The following SMIM14 variants were observed in gnomAD, a reference collection of about 807,000 sequenced individuals.
SMIM14 encodes the protein small integral membrane protein 14.
In SMIM14, 5 loss-of-function variants were observed where a neutral mutation model predicts 12.6. The observed-to-expected ratio is 0.40, with a 90% CI of 0.21 to 0.83. The LOEUF (loss-of-function observed/expected upper bound fraction) is 0.83. SMIM14 is among the 40% of genes least tolerant of loss of function. The pLI is 0.37. For synonymous variants in SMIM14, 30 were observed against 40.1 expected (o/e 0.75, Z 0.95); for missense variants, 86 against 119.1 (o/e 0.72, Z 1.29).
chr4:39,578,463 A>G (rs1191632633), intron 2 of SMIM14, among the ~76,000 whole-genome samples: 1 of 152,256 alleles, frequency 6.6e-6, no homozygotes, highest in Non-Finnish European at 1.5e-5. Flanking sequence ...AAAAACAACA[A>G]TTAGAGAAAA....
At chr4:39,567,651 C>T (rs901234887) in intron 3 of SMIM14, among the ~76,000 whole-genome samples, 2 of 151,796 alleles carry the variant, frequency 1.3e-5, no homozygotes, top group Non-Finnish European at 2.9e-5. Flanking sequence ...GCAGGAGAAT[C>T]GCTTGAACCT....
chr4:39,633,955 C>T (rs537056432), intron 1 of SMIM14, among the ~76,000 whole-genome samples: 2 of 152,288 alleles, frequency 1.3e-5, no homozygotes, highest in Middle Eastern at 3.4e-3. Context: ...TGTTTTGAGA[C>T]GGAGTCTCGC....
intron 1 of SMIM14, among the ~76,000 whole-genome samples, chr4:39,634,173 G>T (rs545006815): frequency 6.6e-6 from 1 of 152,058 alleles, no homozygotes; most frequent in Non-Finnish European, 1.5e-5. Flanking sequence ...GTGATCCACC[G>T]GCCTCGGCTT....
chr4:39,619,860 T>TTTTA (rs1553866651), intron 1 of SMIM14, among the ~76,000 whole-genome samples: 3,164 of 111,012 alleles, frequency 0.029, 225 homozygotes, highest in African/African-American at 0.11. Flanking sequence ...TTATATATAT[T>TTTTA]TATATATATA....
At chr4:39,590,801 C>CAA (rs199795378) in intron 2 of SMIM14, among the ~76,000 whole-genome samples, 53 of 111,988 alleles carry the variant, frequency 4.7e-4, no homozygotes, top group East Asian at 1.5e-3. Context: ...CACTCTGTCT[C>CAA]AAAAAAAAAA....
chr4:39,610,149 T>C (rs1406044837), intron 1 of SMIM14, among the ~76,000 whole-genome samples: 1 of 152,040 alleles, frequency 6.6e-6, no homozygotes, highest in Non-Finnish European at 1.5e-5. Context: ...CACCCCATCT[T>C]GCTAGTTTTA....
intron 2 of SMIM14, among the ~76,000 whole-genome samples, chr4:39,591,126 C>T (rs1714056775): frequency 6.6e-6 from 1 of 151,928 alleles, no homozygotes; most frequent in South Asian, 2.1e-4. Context: ...CAAATTGTCT[C>T]TAGGTTACTT....
chr4:39,612,600 T>C (rs1175799593), intron 1 of SMIM14, among the ~76,000 whole-genome samples: 1 of 152,200 alleles, frequency 6.6e-6, no homozygotes, highest in Admixed American at 6.5e-5. Flanking sequence ...ACTAAGATTT[T>C]CTTATTTTTT....
intron 2 of SMIM14, among the ~76,000 whole-genome samples, chr4:39,572,832 A>G (rs775240700): frequency 2.6e-4 from 39 of 151,774 alleles, no homozygotes; most frequent in Non-Finnish European, 5.0e-4. Context: ...AAAAAAAAAA[A>G]TCATGTTTTC....
chr4:39,597,861 G>C (rs773320668), intron 2 of SMIM14, among the ~76,000 whole-genome samples: 79 of 152,246 alleles, frequency 5.2e-4, no homozygotes, highest in Non-Finnish European at 9.4e-4. Flanking sequence ...CTAGCTCAAT[G>C]AACAGTTAGG....
intron 1 of SMIM14, among the ~76,000 whole-genome samples, chr4:39,634,296 A>G (rs1194747867): frequency 6.6e-6 from 1 of 152,214 alleles, no homozygotes; most frequent in African/African-American, 2.4e-5. Context: ...AACGGACTTC[A>G]TTAAGGACAG....
rs757633147 is a variant in SMIM14 at position 39,551,065 on chromosome 4, AC to A, written c.*1060del. 2.0e-5 allele frequency: 3 copies of A among 151,894 alleles called. No individual in the cohort carries two copies. Among genetic ancestry groups the A allele is most frequent in the Non-Finnish European group, 4.4e-5 (3 of 68,014 alleles). 9.4% of individuals were successfully genotyped at this position (151,894 alleles called of 1,614,324 possible). A position where few individuals can be genotyped will look rare whatever the true frequency, so the allele number is the denominator to read the frequency against. On this transcript the variant is annotated 3_prime_UTR_variant, in exon 5 of 5. Coordinates refer to ENST00000295958, the MANE Select transcript of SMIM14 (RefSeq NM_174921.3). ...GCTGGGATTACAGGCACATGCACCA[AC>A]CCTGGCTAATTTTTCTGTATTTTTA...
At chr4:39,567,732 C>T (rs1450964346) in intron 3 of SMIM14, among the ~76,000 whole-genome samples, 2 of 151,594 alleles carry the variant, frequency 1.3e-5, no homozygotes, top group African/African-American at 2.4e-5. Context: ...AGCAAGACTC[C>T]GTCTCAAAAG....
intron 1 of SMIM14, among the ~76,000 whole-genome samples, chr4:39,627,155 G>A (rs1715734251): frequency 6.6e-6 from 1 of 152,098 alleles, no homozygotes; most frequent in South Asian, 2.1e-4. Context: ...TTTTATAAGG[G>A]CACTACTCCT....
In SMIM14 at chr4:39,547,054, A is replaced by AAAT. The variant is rs1196238151; in HGVS notation, c.*5069_*5071dup. On this transcript the variant is annotated 3_prime_UTR_variant, in exon 5 of 5. Transcript: ENST00000295958. ...TATTCTAGGAAGAGAGAGAGAAAGA[A>AAAT]AATAACCAAAGAAATGTGACTGCAA... 1 of 152,218 alleles carries AAAT rather than the reference A, an allele frequency of 6.6e-6. No homozygotes were observed. Among genetic ancestry groups the AAAT allele is most frequent in the Non-Finnish European group, 1.5e-5 (1 of 68,024 alleles). The allele number at this position is 152,218 out of a possible 1,614,324, so 9.4% of individuals were successfully genotyped here.
At chr4:39,628,453 TC>T (rs1715781875) in intron 1 of SMIM14, among the ~76,000 whole-genome samples, 3 of 150,592 alleles carry the variant, frequency 2.0e-5, no homozygotes, top group African/African-American at 7.3e-5. Flanking sequence ...GACGGGCAGA[TC>T]ACGAGGTCAG....
intron 3 of SMIM14, among the ~76,000 whole-genome samples, chr4:39,569,408 G>A (rs116174969): frequency 1.3e-5 from 2 of 152,098 alleles, no homozygotes; most frequent in Non-Finnish European, 2.9e-5. Flanking sequence ...ACCTTACTGC[G>A]TCTTGTTTCA....
At chr4:39,631,392 C>T (rs1560312003) in intron 1 of SMIM14, among the ~76,000 whole-genome samples, 1 of 150,402 alleles carries the variant, frequency 6.6e-6, no homozygotes, top group Non-Finnish European at 1.5e-5. Flanking sequence ...GGTGCAGTGG[C>T]TCATGCCTAT....
At chr4:39,582,103 T>A (rs1713538067) in intron 2 of SMIM14, among the ~76,000 whole-genome samples, 1 of 151,784 alleles carries the variant, frequency 6.6e-6, no homozygotes, top group Non-Finnish European at 1.5e-5. Context: ...ACTCCCGACC[T>A]CAGGTGATCT....
Sources: allele counts gnomAD v4.1 joint callset (sites outside exome capture counted in the v4.1 genomes callset), GRCh38; gene constraint gnomAD v4.1.1; transcripts MANE v1.5; gene names NCBI Gene and HGNC (gene_info 2026-07-23, HGNC 2026-07-21).